CCDC47: variants seen among roughly 807,000 people sequenced by gnomAD.
The protein encoded by CCDC47 is coiled-coil domain containing 47.
In CCDC47, 41 loss-of-function variants were observed where a neutral mutation model predicts 60.5. That is an observed-to-expected ratio of 0.68 (90% CI 0.53 to 0.88). The LOEUF is 0.88. Among genes scored for constraint, CCDC47 ranks in the 40% least tolerant of loss-of-function variants. The pLI, the probability that CCDC47 is intolerant of heterozygous loss-of-function variation, is 0.00. For missense variants in CCDC47, 513 were observed against 580.9 expected (o/e 0.88, Z 1.20); for synonymous variants, 195 against 190.7 (o/e 1.02, Z -0.18).
At chr17:63,748,873 G>A (rs1228928272) in intron 12 of CCDC47, among the ~76,000 whole-genome samples, 1 of 151,992 alleles carries the variant, frequency 6.6e-6, no homozygotes, top group African/African-American at 2.4e-5. Flanking sequence ...AATTAGCCAG[G>A]TGTGGTGGCG....
chr17:63,768,838 G>C (rs1195841981), intron 1 of CCDC47, among the ~76,000 whole-genome samples: 2 of 151,914 alleles, frequency 1.3e-5, no homozygotes, highest in Non-Finnish European at 2.9e-5. Context: ...AATCCCAGCA[G>C]TTTGGGAGGC....
Position 63,766,213 on chromosome 17 carries a change from C to T in CCDC47, c.-19-19G>A, listed in dbSNP as rs1167843269. ...AAAAAAGCTTAAAAAAAAAGAGAAC[C>T]CCAAAATGGATTGCCATTCTATACA... is the stretch of plus-strand genomic sequence containing the variant. On this transcript the variant is annotated intron_variant, in intron 1 of 12. Transcript: ENST00000225726. The T allele has an allele frequency of 4.4e-6, 7 of 1,578,058 alleles. No homozygotes were observed. The African/African-American group carries it at 9.6e-5, about 22-fold the overall frequency.
chr17:63,750,977 T>C (rs1384853988), intron 12 of CCDC47, among the ~76,000 whole-genome samples: 4 of 151,536 alleles, frequency 2.6e-5, no homozygotes, highest in Admixed American at 2.6e-4. Flanking sequence ...CAGGTTCAAG[T>C]AATCCTTCCA....
At chr17:63,760,279 T>C (rs1272498305) in intron 6 of CCDC47, among the ~76,000 whole-genome samples, 3 of 152,046 alleles carry the variant, frequency 2.0e-5, no homozygotes, top group African/African-American at 4.8e-5. Flanking sequence ...GATAAAAACA[T>C]ATACAAGGAG....
intron 11 of CCDC47, 22 bp from the exon 12 acceptor site, chr17:63,752,129 T>C (rs1490285583): frequency 6.2e-7 from 1 of 1,608,724 alleles, no homozygotes; most frequent in Non-Finnish European, 8.5e-7. Flanking sequence ...AACAAAGTAT[T>C]TCATAAGAAA....
intron 9 of CCDC47, chr17:63,753,513 A>T: frequency 2.9e-6 from 1 of 344,408 alleles, no homozygotes. Context: ...ATCAGAGGGT[A>T]GTCTTTAACT....
chr17:63,772,303 G>GAGTGC (rs372599477), intron 1 of CCDC47, among the ~76,000 whole-genome samples: 2,198 of 143,742 alleles, frequency 0.015, 60 homozygotes, highest in African/African-American at 0.054. Context: ...ACCCAGGCTG[G>GAGTGC]AGTGCAGTGG....
chr17:63,767,272 A>G (rs934132784), intron 1 of CCDC47, among the ~76,000 whole-genome samples: 13 of 152,130 alleles, frequency 8.5e-5, no homozygotes, highest in African/African-American at 3.1e-4. Context: ...TTGCTAACCA[A>G]TTGTTCTTAG....
intron 1 of CCDC47, among the ~76,000 whole-genome samples, chr17:63,771,562 C>T (rs557405497): frequency 1.3e-5 from 2 of 152,288 alleles, no homozygotes; most frequent in African/African-American, 4.8e-5. Context: ...TCCCTAGCTT[C>T]CTTTAACCAT....
intron 6 of CCDC47, 61 bp downstream of exon 6, chr17:63,760,853 A>AAT: frequency 8.7e-7 from 1 of 1,151,738 alleles, no homozygotes; most frequent in Non-Finnish European, 1.3e-6. Context: ...AAAAAAAAAA[A>AAT]GAAAGAAAGA....
At chr17:63,771,009 AAAGAAAGGAAGG>A (rs1222175131) in intron 1 of CCDC47, among the ~76,000 whole-genome samples, 3 of 69,150 alleles carry the variant, frequency 4.3e-5, no homozygotes, top group Admixed American at 1.7e-4. Context: ...AGAAAGAAAG[AAAGAAAGGAAGG>A]AAGGAAGGAA....
At chr17:63,757,674 C>G (rs1037196086) in intron 6 of CCDC47, among the ~76,000 whole-genome samples, 3 of 152,008 alleles carry the variant, frequency 2.0e-5, no homozygotes, top group African/African-American at 4.8e-5. Flanking sequence ...CACTCAAGTC[C>G]AAAAATAAAA....
chr17:63,749,612 G>A (rs1262588136), intron 12 of CCDC47, among the ~76,000 whole-genome samples: 1 of 151,984 alleles, frequency 6.6e-6, no homozygotes, highest in African/African-American at 2.4e-5. Context: ...AGCTGAGCAT[G>A]GTGGCATGTG....
rs2039317226 is a variant in CCDC47 at position 63,769,099 on chromosome 17, AAATT to A, written c.-19-2909_-19-2906del. ...ACTCTGTCTCAAAAAAAAAAAAAAAAAATTAGCCAAGTCTGGTGGTGTGCACCTG... is the reference window on the plus strand; with the variant it reads ...ACTCTGTCTCAAAAAAAAAAAAAAAAAGCCAAGTCTGGTGGTGTGCACCTG... On this transcript the variant is annotated intron_variant, in intron 1 of 12. Transcript: ENST00000225726. 2.0e-5 allele frequency among the ~76,000 whole-genome samples: 3 copies of A among 151,582 alleles called. No homozygotes were observed. The Admixed American group carries it at 2.0e-4, about 10-fold the overall frequency.
At position 63,767,477 on chromosome 17, in the gene CCDC47, A is replaced by G. The variant is rs556233413; in HGVS notation, c.-19-1283T>C. On this transcript the variant is annotated intron_variant, in intron 1 of 12. Coordinates refer to ENST00000225726, the MANE Select transcript of CCDC47 (RefSeq NM_020198.3). ...AAATAGGTAAGGCTTTACAAAAAAA[A>G]AAGTGGGGAGACCATTTGAGCTGAA... Among the ~76,000 whole-genome samples, 16 of 152,308 alleles carry G rather than the reference A, an allele frequency of 1.1e-4. 1 individual carries two copies. The highest frequency in any genetic ancestry group is 3.4e-4 in the African/African-American group (14 of 41,562).
intron 12 of CCDC47, 186 bp downstream of exon 12, chr17:63,751,754 A>C: frequency 1.5e-6 from 1 of 670,942 alleles, no homozygotes; most frequent in South Asian, 1.7e-5. Context: ...TCACAGACTC[A>C]GTGTGGCACG....
intron 6 of CCDC47, among the ~76,000 whole-genome samples, chr17:63,758,168 A>T (rs1162210538): frequency 1.3e-5 from 2 of 152,166 alleles, no homozygotes; most frequent in Non-Finnish European, 2.9e-5. Flanking sequence ...ACCAGTAAAT[A>T]TAAGTGTCTT....
chr17:63,773,367 C>T (rs1424174210), intron 1 of CCDC47, 45 bp downstream of exon 1: 1 of 152,332 alleles, frequency 6.6e-6, no homozygotes, highest in Non-Finnish European at 1.5e-5. Flanking sequence ...CACCGCTCGG[C>T]CTGGCCCGGC....
chr17:63,762,751 T>C lies in CCDC47; in HGVS notation c.547+1265A>G, dbSNP rs138714460. Among the ~76,000 whole-genome samples the C allele has an allele frequency of 3.3e-4, 50 of 152,336 alleles. 1 individual carries two copies. In the East Asian group the frequency reaches 9.3e-3, roughly 28 times the overall value. On this transcript the variant is annotated intron_variant, in intron 4 of 12. Transcript: ENST00000225726. ...AGGGAATTTTGAGGGACTTTCAATTTCTAAAAGATGAATTGAGAGCATTTA... is the reference window on the plus strand; with the variant it reads ...AGGGAATTTTGAGGGACTTTCAATTCCTAAAAGATGAATTGAGAGCATTTA...
Sources: gnomAD v4.1 joint callset for allele counts (sites outside exome capture counted in the v4.1 genomes callset) on GRCh38, gnomAD v4.1.1 for gene constraint, MANE v1.5 for transcripts, NCBI Gene and HGNC (gene_info 2026-07-23, HGNC 2026-07-21) for gene names.